The following PTPRG variants were observed in gnomAD, a reference collection of about 807,000 sequenced individuals.
PTPRG encodes the protein protein tyrosine phosphatase receptor type G, also known as receptor-type tyrosine-protein phosphatase gamma.
PTPRG carries 102 observed loss-of-function variants against 165.3 expected under a neutral mutation model. That is an observed-to-expected ratio of 0.62 (90% CI 0.53 to 0.73). The LOEUF (loss-of-function observed/expected upper bound fraction) is 0.73, where lower values mean the gene tolerates loss of function less well. Ranked by LOEUF, PTPRG falls within the 30% of genes least tolerant of loss-of-function variation. The pLI is 0.00. For missense variants in PTPRG, 1,866 were observed against 1,861.4 expected, an observed-to-expected ratio of 1.00 and a Z score of -0.05; for synonymous variants, 675 against 669.5, an observed-to-expected ratio of 1.01 and a Z score of -0.13.
intron 2 of PTPRG, among the ~76,000 whole-genome samples, chr3:61,901,219 C>T (rs1158056576): frequency 6.6e-6 from 1 of 152,164 alleles, no homozygotes; most frequent in East Asian, 1.9e-4. Context: ...TTATATTTTG[C>T]TACCATGTCT....
intron 2 of PTPRG, among the ~76,000 whole-genome samples, chr3:61,834,607 G>GGTCAGGAC (rs1216073703): frequency 3.3e-5 from 5 of 152,164 alleles, no homozygotes; most frequent in African/African-American, 1.2e-4. Context: ...GAGGTCAGGA[G>GGTCAGGAC]ATCGAGACCA....
rs12490291 is a variant in PTPRG at position 62,264,708 on chromosome 3, G to C, written c.2656+1814G>C. On this transcript the variant is annotated intron_variant, in intron 17 of 29. Coordinates refer to ENST00000474889, the MANE Select transcript of PTPRG (RefSeq NM_002841.4). Reference sequence around the variant, plus strand: ...ATTCATTCATCATTTGATGGACATTGTTTCTTTTCCGCTTCTCAGCTAGTA... The same window carrying C: ...ATTCATTCATCATTTGATGGACATTCTTTCTTTTCCGCTTCTCAGCTAGTA... Among the ~76,000 whole-genome samples, 216 of 152,216 alleles carry C rather than the reference G, an allele frequency of 1.4e-3. 5 individuals carry two copies. Among genetic ancestry groups the C allele is most frequent in the Admixed American group, 0.012 (185 of 15,294 alleles).
chr3:61,564,360 G>T (rs896469371), intron 1 of PTPRG, among the ~76,000 whole-genome samples: 2 of 152,142 alleles, frequency 1.3e-5, no homozygotes, highest in Non-Finnish European at 2.9e-5. Context: ...CTTGCGCTCG[G>T]GGATGCAGTC....
intron 1 of PTPRG, chr3:61,659,221 C>T (rs1702595035): frequency 1.3e-6 from 1 of 758,096 alleles, no homozygotes; most frequent in Non-Finnish European, 1.6e-6. Context: ...AGCTCCATAG[C>T]CGTCAGCCTG....
chr3:62,184,870 G>C (rs1185566463), intron 8 of PTPRG, among the ~76,000 whole-genome samples: 1 of 152,120 alleles, frequency 6.6e-6, no homozygotes, highest in African/African-American at 2.4e-5. Context: ...GGCCAGTTGC[G>C]TCGGGTGTGA....
chr3:62,138,460 TATA>T lies in PTPRG; in HGVS notation c.682+5795_682+5797del, dbSNP rs564132518. ...TGGGCCGGGTGCAGTGGCTCATGCCTATAATGTCAGCACTTTGGGAGGCCAAGG... is the reference window on the plus strand; with the variant it reads ...TGGGCCGGGTGCAGTGGCTCATGCCTATGTCAGCACTTTGGGAGGCCAAGG... On this transcript the variant is annotated intron_variant, in intron 6 of 29. Coordinates refer to ENST00000474889, the MANE Select transcript of PTPRG (RefSeq NM_002841.4). Among the ~76,000 whole-genome samples the T allele has an allele frequency of 7.9e-5, 12 of 152,254 alleles. No homozygotes were observed. In the East Asian group the frequency reaches 2.1e-3, roughly 27 times the overall value.
chr3:62,149,603 C>T (rs1704252706), intron 6 of PTPRG, among the ~76,000 whole-genome samples: 1 of 152,194 alleles, frequency 6.6e-6, no homozygotes, highest in Non-Finnish European at 1.5e-5. Flanking sequence ...TCCCACCTCC[C>T]TGCTGCCTTC....
At chr3:61,645,298 C>A (rs2106963678) in intron 1 of PTPRG, among the ~76,000 whole-genome samples, 1 of 152,338 alleles carries the variant, frequency 6.6e-6, no homozygotes, top group East Asian at 1.9e-4. Context: ...CCCCGCATTC[C>A]TTTTCTATGC....
chr3:62,036,446 C>T (rs1435203069), intron 4 of PTPRG, among the ~76,000 whole-genome samples: 1 of 152,196 alleles, frequency 6.6e-6, no homozygotes, highest in Non-Finnish European at 1.5e-5. Flanking sequence ...GTGGCCACCT[C>T]TCCTGCCACT....
At chr3:62,149,247 C>T (rs1457659609) in intron 6 of PTPRG, among the ~76,000 whole-genome samples, 1 of 149,498 alleles carries the variant, frequency 6.7e-6, no homozygotes, top group East Asian at 2.0e-4. Context: ...TTAACTCCCT[C>T]TGGGGTCCCC....
At chr3:61,691,408 A>G (rs1180562917) in intron 1 of PTPRG, among the ~76,000 whole-genome samples, 1 of 152,200 alleles carries the variant, frequency 6.6e-6, no homozygotes, top group Non-Finnish European at 1.5e-5. Flanking sequence ...CCCTGTCTCA[A>G]ACAAACAAAA....
rs1277257567 is a variant in PTPRG, at chr3:62,228,513, C to CAAAAAAA, written c.2289-2706_2289-2700dup. Reference sequence around the variant, plus strand: ...TGGGCAACAGAGCAAAACTCCATCTCAAAAAAAAAAAAGAAAGAAAGAAAA... The same window carrying CAAAAAAA: ...TGGGCAACAGAGCAAAACTCCATCTCAAAAAAAAAAAAAAAAAAAGAAAGAAAGAAAA... On this transcript the variant is annotated intron_variant, in intron 13 of 29. Transcript: ENST00000474889. The surrounding 1 kb of genome is among the most constrained non-coding windows in gnomAD (Gnocchi z 4.1). 1.8e-5 allele frequency among the ~76,000 whole-genome samples: 2 copies of CAAAAAAA among 111,716 alleles called. No homozygotes were observed. The highest frequency in any genetic ancestry group is 6.7e-5 in the African/African-American group (2 of 29,664). The allele number at this position is 111,716 out of a possible 152,430, so 73.3% of individuals were successfully genotyped here.
At chr3:62,094,919 C>T (rs938199952) in intron 5 of PTPRG, among the ~76,000 whole-genome samples, 4 of 152,180 alleles carry the variant, frequency 2.6e-5, no homozygotes, top group Admixed American at 2.6e-4. Context: ...TGCGACCTGC[C>T]GCAAAGGAGC....
chr3:61,610,843 G>A (rs1701148741), intron 1 of PTPRG, among the ~76,000 whole-genome samples: 1 of 133,246 alleles, frequency 7.5e-6, no homozygotes, highest in East Asian at 2.4e-4. Flanking sequence ...TTCTTCTCCT[G>A]TTGCCCAGGC....
chr3:61,629,229 A>T (rs1297408796), intron 1 of PTPRG, among the ~76,000 whole-genome samples: 1 of 152,138 alleles, frequency 6.6e-6, no homozygotes, highest in East Asian at 1.9e-4. Context: ...ATTTCAGCTC[A>T]CTGCAGCCTC....
intron 2 of PTPRG, among the ~76,000 whole-genome samples, chr3:61,953,386 G>A (rs1482285111): frequency 6.6e-6 from 1 of 152,118 alleles, no homozygotes; most frequent in Non-Finnish European, 1.5e-5. Context: ...AGGAATTGCT[G>A]GTCAATTTCG....
chr3:61,749,671 T>C (rs1460474434), intron 2 of PTPRG: 1 of 154,044 alleles, frequency 6.5e-6, no homozygotes, highest in Admixed American at 6.4e-5. Context: ...GAGAGGTGGA[T>C]TGTTATTTCT....
At chr3:62,147,856 T>C (rs1257020047) in intron 6 of PTPRG, among the ~76,000 whole-genome samples, 1 of 152,168 alleles carries the variant, frequency 6.6e-6, no homozygotes, top group African/African-American at 2.4e-5. Flanking sequence ...GAAGGTGTGA[T>C]GCAGAAAGTT....
At chr3:62,283,041 AT>A (rs1479877210) in intron 28 of PTPRG, among the ~76,000 whole-genome samples, 172 bp downstream of exon 28, 1 of 152,080 alleles carries the variant, frequency 6.6e-6, no homozygotes. Flanking sequence ...CTCTGTTTAC[AT>A]TTTAATATGT....
Sources: gnomAD v4.1 joint callset for allele counts (sites outside exome capture counted in the v4.1 genomes callset) on GRCh38, gnomAD v4.1.1 for gene constraint, Gnocchi (gnomAD v3.1) non-coding constraint, MANE v1.5 for transcripts, NCBI Gene and HGNC (gene_info 2026-07-23, HGNC 2026-07-21) for gene names.